Variants in NRG3 observed in about 807,000 individuals in gnomAD.
NRG3 encodes the protein pro-neuregulin-3, membrane-bound isoform.
Under a neutral mutation model 66.9 loss-of-function variants are expected in NRG3, and 31 were observed. The ratio of observed to expected loss-of-function variants is 0.46; its 90% CI spans 0.35 to 0.63. The LOEUF (loss-of-function observed/expected upper bound fraction) is 0.63. Ranked by LOEUF, NRG3 falls within the 20% of genes least tolerant of loss-of-function variation. NRG3 has a pLI of 0.00. For missense variants in NRG3, 910 were observed against 878.9 expected, an observed-to-expected ratio of 1.04 and a Z score of -0.45; for synonymous variants, 393 against 359.4, an observed-to-expected ratio of 1.09 and a Z score of -1.06.
intron 1 of NRG3, among the ~76,000 whole-genome samples, chr10:81,985,063 G>A (rs2060471560): frequency 6.6e-6 from 1 of 152,192 alleles, no homozygotes; most frequent in Non-Finnish European, 1.5e-5. Context: ...CCAGAGAACA[G>A]GAAGATAAAT....
Position 82,958,182 on chromosome 10 carries a change from G to C in NRG3, c.1158-767G>C, listed in dbSNP as rs192608279. Among the ~76,000 whole-genome samples, 367 of 152,358 alleles carry C rather than the reference G, an allele frequency of 2.4e-3. 4 individuals are homozygous for C. Among genetic ancestry groups the C allele is most frequent in the Admixed American group, 0.023 (346 of 15,302 alleles). ...GGCAATTCTGAGTGGTGGTTGAAGA[G>C]TGTAAACTATGGAGGCAGGTTGGCT... On this transcript the variant is annotated intron_variant, in intron 5 of 8. Transcript: ENST00000372141.
intron 1 of NRG3, among the ~76,000 whole-genome samples, chr10:82,119,687 T>C (rs76180607): frequency 0.011 from 1,621 of 152,238 alleles, 12 homozygotes; most frequent in East Asian, 0.048. Flanking sequence ...CCACTTGAAT[T>C]TGGACAAATA....
intron 1 of NRG3, among the ~76,000 whole-genome samples, chr10:81,903,703 A>G (rs557632626): frequency 2.6e-5 from 4 of 152,324 alleles, no homozygotes; most frequent in East Asian, 1.9e-4. Flanking sequence ...TGCCTCCACA[A>G]GGCCTTGCCC....
chr10:82,704,539 T>C (rs954408860), intron 2 of NRG3, among the ~76,000 whole-genome samples: 1 of 152,198 alleles, frequency 6.6e-6, no homozygotes, highest in East Asian at 1.9e-4. Context: ...GAGGAACTTG[T>C]ACTAGTTTGG....
chr10:82,798,829 T>C (rs1333092568), intron 3 of NRG3, among the ~76,000 whole-genome samples: 2 of 152,200 alleles, frequency 1.3e-5, no homozygotes, highest in Non-Finnish European at 2.9e-5. Flanking sequence ...TAATCTCACA[T>C]CAACTTGATT....
chr10:81,994,537 C>T (rs544338311), intron 1 of NRG3, among the ~76,000 whole-genome samples: 1 of 147,816 alleles, frequency 6.8e-6, no homozygotes, highest in South Asian at 2.2e-4. Context: ...ATGCCTTTAA[C>T]TGCTTTTTTT....
intron 1 of NRG3, among the ~76,000 whole-genome samples, chr10:82,177,362 G>A (rs1426353701): frequency 2.6e-5 from 4 of 151,986 alleles, no homozygotes; most frequent in Non-Finnish European, 5.9e-5. Flanking sequence ...GGTTACCTAT[G>A]ATATATGCAA....
intron 3 of NRG3, among the ~76,000 whole-genome samples, chr10:82,766,669 C>T (rs2059525052): frequency 6.6e-6 from 1 of 151,992 alleles, no homozygotes; most frequent in African/African-American, 2.4e-5. Context: ...GTTTCTTCTT[C>T]ATCCCAGAAT....
At chr10:82,554,343 T>C (rs191767809) in intron 2 of NRG3, among the ~76,000 whole-genome samples, 33 of 152,308 alleles carry the variant, frequency 2.2e-4, no homozygotes, top group African/African-American at 7.9e-4. Flanking sequence ...TAATGTGATA[T>C]GATCATTACA....
chr10:82,246,156 G>T (rs759092252), intron 1 of NRG3, among the ~76,000 whole-genome samples: 4 of 151,762 alleles, frequency 2.6e-5, no homozygotes, highest in Non-Finnish European at 5.9e-5. Flanking sequence ...TTACTCTGTG[G>T]AGTCTACACT....
intron 3 of NRG3, among the ~76,000 whole-genome samples, chr10:82,833,721 G>T (rs2062642269): frequency 6.6e-6 from 1 of 152,104 alleles, no homozygotes; most frequent in Non-Finnish European, 1.5e-5. Context: ...CACAATTCTT[G>T]AAGCACTACG....
At chr10:82,220,684 T>C (rs2075899271) in intron 1 of NRG3, among the ~76,000 whole-genome samples, 1 of 152,188 alleles carries the variant, frequency 6.6e-6, no homozygotes, top group Non-Finnish European at 1.5e-5. Flanking sequence ...CTATTTTTGA[T>C]TACCAAATTT....
At chr10:82,603,482 G>A (rs750721327) in intron 2 of NRG3, among the ~76,000 whole-genome samples, 3 of 152,030 alleles carry the variant, frequency 2.0e-5, no homozygotes, top group Non-Finnish European at 2.9e-5. Flanking sequence ...ACAATTGAGC[G>A]GAAACATGTG....
At chr10:82,017,007 C>T (rs1034710169) in intron 1 of NRG3, among the ~76,000 whole-genome samples, 1 of 152,150 alleles carries the variant, frequency 6.6e-6, no homozygotes, top group African/African-American at 2.4e-5. Flanking sequence ...CATGTGTATA[C>T]ATGTGCCATG....
chr10:82,547,637 A>G (rs200526085), intron 2 of NRG3, among the ~76,000 whole-genome samples: 26 of 150,624 alleles, frequency 1.7e-4, no homozygotes, highest in East Asian at 5.8e-4. Context: ...GTGTGTGTGT[A>G]TATATATATA....
chr10:82,706,787 G>T (rs1413718943), intron 2 of NRG3, among the ~76,000 whole-genome samples: 1 of 151,658 alleles, frequency 6.6e-6, no homozygotes, highest in Admixed American at 6.6e-5. Flanking sequence ...TGATGTCAGG[G>T]GTTCAAGACC....
intron 3 of NRG3, among the ~76,000 whole-genome samples, chr10:82,753,410 A>G (rs1331597059): frequency 6.6e-6 from 1 of 151,926 alleles, no homozygotes; most frequent in Admixed American, 6.6e-5. Flanking sequence ...TGATTATGAC[A>G]TGAGATTGAA....
chr10:82,666,460 G>C (rs2052790584), intron 2 of NRG3, among the ~76,000 whole-genome samples: 1 of 151,928 alleles, frequency 6.6e-6, no homozygotes, highest in African/African-American at 2.4e-5. Flanking sequence ...TTCCCATCAG[G>C]TTCCATAGTC....
intron 3 of NRG3, among the ~76,000 whole-genome samples, chr10:82,772,515 A>G (rs567157924): frequency 3.3e-5 from 5 of 152,028 alleles, no homozygotes; most frequent in African/African-American, 9.6e-5. Context: ...GTTTTATTCT[A>G]TATCTCTGTA....
Sources: gnomAD v4.1 joint callset for allele counts (sites outside exome capture counted in the v4.1 genomes callset) on GRCh38, gnomAD v4.1.1 for gene constraint, MANE v1.5 for transcripts, NCBI Gene and HGNC (gene_info 2026-07-23, HGNC 2026-07-21) for gene names.